The following MBD5 variants were observed in gnomAD, a reference collection of about 807,000 sequenced individuals.
The protein encoded by MBD5 is methyl-CpG-binding domain protein 5.
A neutral mutation model predicts 117.3 loss-of-function variants in MBD5; 13 were observed. The ratio of observed to expected loss-of-function variants is 0.11; its 90% CI spans 0.07 to 0.18. The LOEUF (loss-of-function observed/expected upper bound fraction) is 0.18. MBD5 is among the 10% of genes least tolerant of loss of function. The pLI is 1.00. For synonymous variants in MBD5, 727 were observed against 766.4 expected, an observed-to-expected ratio of 0.95 and a Z score of 0.85; for missense variants, 1,879 against 2,093.8, an observed-to-expected ratio of 0.90 and a Z score of 2.00.
intron 4 of MBD5, among the ~76,000 whole-genome samples, chr2:148,355,623 T>C (rs1225472191): frequency 6.6e-6 from 1 of 152,210 alleles, no homozygotes; most frequent in Non-Finnish European, 1.5e-5. Context: ...GTCTCTGTTC[T>C]GTTCCATTGG....
At chr2:148,448,655 A>T (rs1706637299) in intron 4 of MBD5, among the ~76,000 whole-genome samples, 1 of 152,034 alleles carries the variant, frequency 6.6e-6, no homozygotes, top group South Asian at 2.1e-4. Flanking sequence ...TTTATAGTAA[A>T]AGTGTATATA....
intron 2 of MBD5, among the ~76,000 whole-genome samples, chr2:148,232,641 CT>C (rs1700016771): frequency 1.4e-5 from 1 of 69,772 alleles, no homozygotes; most frequent in Non-Finnish European, 2.7e-5. Flanking sequence ...CCATATCTGA[CT>C]TTTTTTCTTT....
At chr2:148,074,868 A>G (rs1043673719) in intron 1 of MBD5, among the ~76,000 whole-genome samples, 32 of 152,138 alleles carry the variant, frequency 2.1e-4, no homozygotes, top group Admixed American at 4.6e-4. Flanking sequence ...GGCTAGAGGA[A>G]TGCTGTTCTT....
intron 3 of MBD5, among the ~76,000 whole-genome samples, chr2:148,316,082 C>G (rs530779344): frequency 2.4e-4 from 36 of 152,252 alleles, no homozygotes; most frequent in African/African-American, 8.2e-4. Flanking sequence ...GTGCTACATA[C>G]TTTTAAACAA....
intron 4 of MBD5, among the ~76,000 whole-genome samples, chr2:148,387,770 G>A (rs777811884): frequency 6.6e-6 from 1 of 151,874 alleles, no homozygotes; most frequent in Admixed American, 6.6e-5. Flanking sequence ...ATTTACTATA[G>A]CAACAAAGAT....
intron 1 of MBD5, among the ~76,000 whole-genome samples, chr2:148,132,284 A>G (rs1697067216): frequency 6.7e-6 from 1 of 150,096 alleles, no homozygotes; most frequent in Non-Finnish European, 1.5e-5. Flanking sequence ...TTTTCTAGAG[A>G]CCTTCAAGTC....
At chr2:148,194,640 T>G (rs1698921789) in intron 2 of MBD5, among the ~76,000 whole-genome samples, 1 of 108,852 alleles carries the variant, frequency 9.2e-6, no homozygotes, top group Non-Finnish European at 2.0e-5. Flanking sequence ...GGGATAGCAT[T>G]GGGAGTTATA....
intron 1 of MBD5, among the ~76,000 whole-genome samples, chr2:148,086,830 G>C (rs1431722105): frequency 6.6e-6 from 1 of 152,120 alleles, no homozygotes; most frequent in Non-Finnish European, 1.5e-5. Flanking sequence ...GGAAGTAAAT[G>C]GGACTAGACT....
At chr2:148,487,955 T>C (rs943218546) in intron 10 of MBD5, among the ~76,000 whole-genome samples, 3 of 152,156 alleles carry the variant, frequency 2.0e-5, no homozygotes, top group Non-Finnish European at 2.9e-5. Context: ...ATGCAAACTT[T>C]AAAATATGTA....
chr2:148,232,771 C>A (rs184832274), intron 2 of MBD5, among the ~76,000 whole-genome samples: 3 of 151,226 alleles, frequency 2.0e-5, no homozygotes, highest in Non-Finnish European at 2.9e-5. Context: ...GTATCTGTTG[C>A]GTGAATGGTA....
chr2:148,427,028 G>A (rs1705815403), intron 4 of MBD5, among the ~76,000 whole-genome samples: 2 of 152,264 alleles, frequency 1.3e-5, no homozygotes, highest in South Asian at 4.2e-4. Flanking sequence ...AGACATTTAT[G>A]CAGCCAAAAA....
At chr2:148,145,143 CT>C (rs150957232) in intron 1 of MBD5, among the ~76,000 whole-genome samples, 63,200 of 151,852 alleles carry the variant, frequency 0.42, 13,321 homozygotes, top group Middle Eastern at 0.54. Flanking sequence ...GTTTGTAGTT[CT>C]CCTTGAAGAG....
intron 1 of MBD5, among the ~76,000 whole-genome samples, chr2:148,084,025 G>A (rs1430113637): frequency 1.3e-5 from 2 of 152,180 alleles, no homozygotes; most frequent in African/African-American, 4.8e-5. Context: ...TCCTCAAGAT[G>A]TAGTTTACAC....
intron 4 of MBD5, among the ~76,000 whole-genome samples, chr2:148,396,573 T>C (rs938162876): frequency 6.6e-6 from 1 of 152,226 alleles, no homozygotes; most frequent in Non-Finnish European, 1.5e-5. Flanking sequence ...ACAGATAAGC[T>C]GCTGATTCCA....
At chr2:148,265,931 G>GA (rs11452364) in intron 3 of MBD5, among the ~76,000 whole-genome samples, 91,165 of 151,534 alleles carry the variant, frequency 0.6, 27,621 homozygotes, top group East Asian at 0.71. Flanking sequence ...TCAGGAAAGA[G>GA]AAAAAAATGC....
intron 1 of MBD5, among the ~76,000 whole-genome samples, chr2:148,147,453 G>A (rs1242343637): frequency 6.6e-6 from 1 of 151,620 alleles, no homozygotes; most frequent in Non-Finnish European, 1.5e-5. Flanking sequence ...TGTTGGCCAG[G>A]CTGGTCTCAA....
chr2:148,149,037 C>A (rs1222994041), intron 1 of MBD5, among the ~76,000 whole-genome samples: 1 of 152,036 alleles, frequency 6.6e-6, no homozygotes, highest in Non-Finnish European at 1.5e-5. Context: ...GCACTGCACC[C>A]ACTAAATCGT....
At position 148,458,809 on chromosome 2, in the gene MBD5, A is replaced by G. The variant is rs1217452727; in HGVS notation, c.51A>G (p.Pro17=). The change falls in exon 5 of 14, where the codon CCA becomes CCG. Residue 17 remains proline, a synonymous_variant. Transcript: ENST00000642680. ...CDGGDKEGGL[P]AIQVPVGWQR... is the part of the protein sequence containing the mutation. Reference sequence around the variant, plus strand: ...GAGGGGACAAGGAAGGAGGTCTTCCAGCTATACAAGTTCCTGTGGGTTGGC... The same window carrying G: ...GAGGGGACAAGGAAGGAGGTCTTCCGGCTATACAAGTTCCTGTGGGTTGGC... 6.2e-7 allele frequency: 1 copy of G among 1,613,760 alleles called. No homozygotes were observed. Among genetic ancestry groups the G allele is most frequent in the East Asian group, 2.2e-5 (1 of 44,866 alleles).
intron 3 of MBD5, among the ~76,000 whole-genome samples, chr2:148,329,843 C>A (rs1702584766): frequency 6.6e-6 from 1 of 152,004 alleles, no homozygotes; most frequent in Non-Finnish European, 1.5e-5. Context: ...TGTTACAAGG[C>A]ATAACTTGCT....
Sources: allele counts gnomAD v4.1 joint callset (sites outside exome capture counted in the v4.1 genomes callset), GRCh38; gene constraint gnomAD v4.1.1; transcripts MANE v1.5; gene names NCBI Gene and HGNC (gene_info 2026-07-23, HGNC 2026-07-21).